Variants in SLC22A15 observed in about 807,000 individuals in gnomAD.
SLC22A15 encodes the protein flipt 1.
In SLC22A15, 45 loss-of-function variants were observed where a neutral mutation model predicts 62.7. The observed-to-expected ratio is 0.72, with a 90% confidence interval of 0.56 to 0.92. SLC22A15 has a LOEUF of 0.92. Ranked by LOEUF, SLC22A15 falls within the 40% of genes least tolerant of loss-of-function variation. The probability of loss-of-function intolerance (pLI) is 0.00; values close to 1 mark genes in which losing one functional copy is unlikely to be tolerated. For synonymous variants in SLC22A15, 264 were observed against 267.0 expected (o/e 0.99, Z 0.11); for missense variants, 622 against 665.6 (o/e 0.93, Z 0.72).
chr1:116,037,684 T>G (rs1022805188), intron 8 of SLC22A15, among the ~76,000 whole-genome samples: 1 of 152,232 alleles, frequency 6.6e-6, no homozygotes, highest in Non-Finnish European at 1.5e-5. Context: ...GAGGACTGAT[T>G]AGTTCTTCAC....
At chr1:116,040,968 G>A (rs1657768924) in intron 8 of SLC22A15, among the ~76,000 whole-genome samples, 3 of 152,184 alleles carry the variant, frequency 2.0e-5, no homozygotes, top group African/African-American at 7.2e-5. Context: ...GAGGATTAAT[G>A]CTGCCTGATT....
chr1:116,054,697 A>G (rs1658154383), intron 8 of SLC22A15, among the ~76,000 whole-genome samples: 1 of 152,224 alleles, frequency 6.6e-6, no homozygotes, highest in African/African-American at 2.4e-5. Context: ...AGAAATTATA[A>G]CAAACTGCCT....
intron 2 of SLC22A15, among the ~76,000 whole-genome samples, chr1:115,996,546 G>C (rs1655435024): frequency 1.3e-5 from 2 of 148,950 alleles, no homozygotes; most frequent in Non-Finnish European, 3.0e-5. Context: ...TTAGGTTTTA[G>C]ATTCATTCAT....
At chr1:115,981,163 G>A (rs1279288140) in intron 1 of SLC22A15, among the ~76,000 whole-genome samples, 4 of 152,104 alleles carry the variant, frequency 2.6e-5, no homozygotes, top group Non-Finnish European at 5.9e-5. Flanking sequence ...TAACCTCCCT[G>A]GCATAAGCAA....
intron 8 of SLC22A15, among the ~76,000 whole-genome samples, chr1:116,051,728 A>G (rs1376259193): frequency 6.6e-6 from 1 of 152,202 alleles, no homozygotes; most frequent in East Asian, 1.9e-4. Context: ...TGACTGTACA[A>G]CTGTATCAGC....
Position 116,026,995 on chromosome 1 carries a change from A to AG in SLC22A15, c.704dup (p.Thr236AsnfsTer12), listed in dbSNP as rs1657126133. ...ACCCTAGCCATTCTGGTTAACCTGC[A>AG]GGGAACGGTGGTCTTTCTCTTATCT... On this transcript the variant is annotated frameshift_variant, in exon 5 of 12. Coordinates refer to ENST00000369503, the MANE Select transcript of SLC22A15 (RefSeq NM_018420.3). LOFTEE classifies it high-confidence loss of function. 6.2e-7 allele frequency: 1 copy of AG among 1,613,950 alleles called. No homozygotes were observed. Among genetic ancestry groups the AG allele is most frequent in the South Asian group, 1.1e-5 (1 of 91,082 alleles).
intron 8 of SLC22A15, among the ~76,000 whole-genome samples, chr1:116,046,345 C>T (rs920343148): frequency 2.6e-5 from 4 of 152,034 alleles, no homozygotes; most frequent in African/African-American, 9.7e-5. Context: ...ATCTGTAAAA[C>T]ATGTATCTGA....
At chr1:116,065,821 A>C (rs1158126324) in intron 10 of SLC22A15, among the ~76,000 whole-genome samples, 1 of 152,194 alleles carries the variant, frequency 6.6e-6, no homozygotes, top group Non-Finnish European at 1.5e-5. Flanking sequence ...TGATCAGCTC[A>C]GAAAAGCCCC....
chr1:116,008,711 CA>C (rs1164778522), intron 2 of SLC22A15, among the ~76,000 whole-genome samples: 1 of 152,200 alleles, frequency 6.6e-6, no homozygotes, highest in Non-Finnish European at 1.5e-5. Flanking sequence ...GAAGGGAAAG[CA>C]ATAATACTAG....
chr1:116,019,271 AAC>A (rs1656698860), intron 2 of SLC22A15, among the ~76,000 whole-genome samples: 2 of 152,258 alleles, frequency 1.3e-5, no homozygotes, highest in Non-Finnish European at 2.9e-5. Flanking sequence ...CCTCTCAAGA[AAC>A]ACAGAGCCTT....
chr1:116,054,277 A>T (rs9428333), intron 8 of SLC22A15, among the ~76,000 whole-genome samples: 149,546 of 151,596 alleles, frequency 0.99, 73,801 homozygotes, highest in Middle Eastern at 1. Flanking sequence ...AAAACAGACT[A>T]TAAAGCAACA....
At chr1:116,034,453 G>T (rs1273118547) in intron 6 of SLC22A15, among the ~76,000 whole-genome samples, 4 of 152,156 alleles carry the variant, frequency 2.6e-5, no homozygotes, top group African/African-American at 9.7e-5. Context: ...CTAGCACTAT[G>T]CCTGCCACCC....
chr1:116,040,557 C>T (rs1310910938), intron 8 of SLC22A15, among the ~76,000 whole-genome samples: 3 of 152,182 alleles, frequency 2.0e-5, no homozygotes, highest in Non-Finnish European at 4.4e-5. Context: ...CAGATTCTTT[C>T]CAACTCTAAA....
At chr1:116,013,617 A>C (rs1656385652) in intron 2 of SLC22A15, among the ~76,000 whole-genome samples, 1 of 152,324 alleles carries the variant, frequency 6.6e-6, no homozygotes, top group African/African-American at 2.4e-5. Flanking sequence ...TTTGGGGATT[A>C]CATAAGCATG....
At chr1:116,009,352 CTTTGTG>C (rs1365407658) in intron 2 of SLC22A15, among the ~76,000 whole-genome samples, 7,705 of 152,186 alleles carry the variant, frequency 0.051, 675 homozygotes, top group African/African-American at 0.18. Flanking sequence ...TGTACTTCTG[CTTTGTG>C]CTTTAGAGGC....
chr1:116,048,014 C>T (rs1490750698), intron 8 of SLC22A15, among the ~76,000 whole-genome samples: 1 of 151,890 alleles, frequency 6.6e-6, no homozygotes, highest in Non-Finnish European at 1.5e-5. Context: ...TTTGAATTAA[C>T]CCAATCCAAC....
At chr1:115,977,567 G>A (rs1437697228) in intron 1 of SLC22A15, among the ~76,000 whole-genome samples, 2 of 152,200 alleles carry the variant, frequency 1.3e-5, no homozygotes, top group Non-Finnish European at 2.9e-5. Flanking sequence ...CTTAGTATTT[G>A]CTGTGAGCCA....
Position 116,067,228 on chromosome 1 carries a change from A to G in SLC22A15, c.*120A>G, listed in dbSNP as rs899639144. 5 of 736,312 alleles carry G rather than the reference A, an allele frequency of 6.8e-6. No individual in the cohort carries two copies. The highest frequency in any genetic ancestry group is 1.7e-5 in the South Asian group (1 of 58,744). 45.6% of individuals were successfully genotyped at this position (736,312 alleles called of 1,614,324 possible). ...AGAGGCTTGGCTTGAATGTACATAGATGGTACCTGGCATGGACTGATGTTT... is the reference window on the plus strand; with the variant it reads ...AGAGGCTTGGCTTGAATGTACATAGGTGGTACCTGGCATGGACTGATGTTT... On this transcript the variant is annotated 3_prime_UTR_variant, in exon 12 of 12. Coordinates refer to ENST00000369503, the MANE Select transcript of SLC22A15 (RefSeq NM_018420.3).
rs1286787032 is a variant in SLC22A15 at position 116,023,573 on chromosome 1, C to T, written c.598+2688C>T. Among the ~76,000 whole-genome samples, 9 of 152,168 alleles carry T rather than the reference C, an allele frequency of 5.9e-5. No individual in the cohort carries two copies. The East Asian group carries it at 1.7e-3, about 29-fold the overall frequency. ...AACGGATTCTGCCATGTACCAGACACTGCTTTTTTTAGATAAAAAGGTGGA... is the reference window on the plus strand; with the variant it reads ...AACGGATTCTGCCATGTACCAGACATTGCTTTTTTTAGATAAAAAGGTGGA... On this transcript the variant is annotated intron_variant, in intron 4 of 11. Transcript: ENST00000369503.
Sources: gnomAD v4.1 joint callset for allele counts (sites outside exome capture counted in the v4.1 genomes callset) on GRCh38, gnomAD v4.1.1 for gene constraint, MANE v1.5 for transcripts, NCBI Gene and HGNC (gene_info 2026-07-23, HGNC 2026-07-21) for gene names.